The following ITPR1 variants were observed in gnomAD, a reference collection of about 807,000 sequenced individuals.
The protein encoded by ITPR1 is inositol 1,4,5-trisphosphate-gated calcium channel ITPR1.
A neutral mutation model predicts 318.4 loss-of-function variants in ITPR1; 96 were observed. That is an observed-to-expected ratio of 0.30 (90% confidence interval 0.26 to 0.36). The LOEUF (loss-of-function observed/expected upper bound fraction) is 0.36. Ranked by LOEUF, ITPR1 falls within the 10% of genes least tolerant of loss-of-function variation. The probability of loss-of-function intolerance (pLI) is 1.00; values close to 1 mark genes in which losing one functional copy is unlikely to be tolerated. For synonymous variants in ITPR1, 1,312 were observed against 1,289.9 expected (o/e 1.02, Z -0.37); for missense variants, 2,440 against 3,460.2 (o/e 0.71, Z 7.40).
chr3:4,835,027 T>C (rs1251164127), intron 60 of ITPR1, among the ~76,000 whole-genome samples: 1 of 152,218 alleles, frequency 6.6e-6, no homozygotes, highest in East Asian at 1.9e-4. Context: ...CAAGCTTTTA[T>C]TAATATTGAA....
chr3:4,703,533 C>A (rs1378614184), intron 36 of ITPR1, among the ~76,000 whole-genome samples: 1 of 152,136 alleles, frequency 6.6e-6, no homozygotes, highest in East Asian at 1.9e-4. Flanking sequence ...CCATTCCCCA[C>A]CCCCTATTAA....
At chr3:4,796,762 T>C (rs2047924410) in intron 53 of ITPR1, among the ~76,000 whole-genome samples, 1 of 152,112 alleles carries the variant, frequency 6.6e-6, no homozygotes. Flanking sequence ...TCTGCCTGGC[T>C]CCTGCCGCCC....
intron 15 of ITPR1, 67 bp from the exon 16 acceptor site, chr3:4,662,998 C>G (rs1030925418): frequency 2.7e-6 from 4 of 1,486,842 alleles, no homozygotes. Context: ...AGAAGGCTTC[C>G]AAGGCAAAGC....
intron 40 of ITPR1, chr3:4,724,473 C>T (rs1333669211): frequency 6.6e-6 from 1 of 152,252 alleles, no homozygotes; most frequent in Admixed American, 6.5e-5. Flanking sequence ...ACCTTCTGGC[C>T]CTGAGGTGAG....
chr3:4,559,828 G>T (rs2086496852), intron 4 of ITPR1, among the ~76,000 whole-genome samples: 1 of 152,158 alleles, frequency 6.6e-6, no homozygotes, highest in Non-Finnish European at 1.5e-5. Flanking sequence ...GCTAGTAAAT[G>T]ACAGCCTGTA....
At chr3:4,529,388 G>GGTCATATT (rs964465806) in intron 4 of ITPR1, among the ~76,000 whole-genome samples, 4 of 152,120 alleles carry the variant, frequency 2.6e-5, no homozygotes, top group African/African-American at 9.7e-5. Context: ...AGCGTAATGG[G>GGTCATATT]GTCATATTGT....
At chr3:4,508,880 A>G (rs1420045456) in intron 2 of ITPR1, among the ~76,000 whole-genome samples, 1 of 152,334 alleles carries the variant, frequency 6.6e-6, no homozygotes, top group Middle Eastern at 3.4e-3. Flanking sequence ...CTGTCCAAGT[A>G]TCAGCCACCT....
Position 4,685,191 on chromosome 3 carries a change from G to C in ITPR1, c.3687G>C (p.Gln1229His), listed in dbSNP as rs778872442. 1.2e-6 allele frequency: 2 copies of C among 1,603,486 alleles called. No homozygotes were observed. The highest frequency in any genetic ancestry group is 1.1e-5 in the South Asian group (1 of 89,752). ...ACGCCGTGGTGCTGGAGCTGCTGCAGATTCCCTATGAGAAGGTGAGCGGTG... is the reference window on the plus strand; with the variant it reads ...ACGCCGTGGTGCTGGAGCTGCTGCACATTCCCTATGAGAAGGTGAGCGGTG... ...GAHAVVLELL[Q>H]IPYEKAEDTK... Residue 1229 changes from glutamine to histidine, a missense_variant, in exon 30 of 62, where the codon CAG becomes CAC. Gln to His is a conservative substitution (Grantham distance 24, BLOSUM62 0). This residue lies in a region of ITPR1 where 222 missense variants were observed against 318.8 expected (regional missense o/e 0.70). Transcript: ENST00000649015.
chr3:4,675,266 C>G lies in ITPR1; in HGVS notation c.2779+18C>G, dbSNP rs910587557. ...GCTGAAGAGTGAGTATCTGAGGGTGCCCATACATCTGAGAGATGCCCTCCA... is the reference window on the plus strand; with the variant it reads ...GCTGAAGAGTGAGTATCTGAGGGTGGCCATACATCTGAGAGATGCCCTCCA... On this transcript the variant is annotated intron_variant, in intron 23 of 61. Transcript: ENST00000649015. 6.3e-7 allele frequency: 1 copy of G among 1,585,342 alleles called. No individual in the cohort carries two copies. Among genetic ancestry groups the G allele is most frequent in the Non-Finnish European group, 8.6e-7 (1 of 1,162,958 alleles).
At chr3:4,645,293 C>G in intron 8 of ITPR1, 94 bp from the exon 9 acceptor site, 2 of 832,956 alleles carry the variant, frequency 2.4e-6, no homozygotes, top group Non-Finnish European at 4.1e-6. Context: ...TCAAGTACAG[C>G]CTTGCTTCCT....
chr3:4,797,424 A>G (rs2047969916), intron 53 of ITPR1, among the ~76,000 whole-genome samples: 1 of 152,130 alleles, frequency 6.6e-6, no homozygotes. Context: ...TCCCTCTTGA[A>G]TGTGTATAAT....
In ITPR1 at chr3:4,493,387, A is replaced by G. The variant is rs928892483; in HGVS notation, c.-311A>G. 4 of 153,928 alleles carry G rather than the reference A, an allele frequency of 2.6e-5. No homozygotes were observed. The highest frequency in any genetic ancestry group is 2.0e-4 in the Admixed American group (3 of 15,264). 9.5% of individuals were successfully genotyped at this position (153,928 alleles called of 1,614,324 possible). A position where few individuals can be genotyped will look rare whatever the true frequency, so the allele number is the denominator to read the frequency against. ...GATGTGCTGCTGAAGCGTTTCCTCAAGCTCGCTGGGGTGGGAGGAGAGGAG... is the reference window on the plus strand; with the variant it reads ...GATGTGCTGCTGAAGCGTTTCCTCAGGCTCGCTGGGGTGGGAGGAGAGGAG... On this transcript the variant is annotated 5_prime_UTR_variant, in exon 1 of 62. Coordinates refer to ENST00000649015, the MANE Select transcript of ITPR1 (RefSeq NM_001378452.1).
chr3:4,663,339 G>C (rs1440430915), intron 16 of ITPR1, 133 bp downstream of exon 16: 1 of 701,272 alleles, frequency 1.4e-6, no homozygotes, highest in African/African-American at 1.8e-5. Flanking sequence ...GGAAATGGAG[G>C]TTGCAGTGAG....
At chr3:4,812,286 C>A (rs1399438170) in intron 56 of ITPR1, among the ~76,000 whole-genome samples, 1 of 152,130 alleles carries the variant, frequency 6.6e-6, no homozygotes, top group Non-Finnish European at 1.5e-5. Flanking sequence ...GATCCCCCAG[C>A]TTTAGCTTCC....
chr3:4,674,140 C>G (rs2094140858), intron 21 of ITPR1, 62 bp from the exon 22 acceptor site: 1 of 1,397,250 alleles, frequency 7.2e-7, no homozygotes, highest in African/African-American at 1.5e-5. Context: ...CTGAGTGACC[C>G]AGGAAGACCT....
intron 40 of ITPR1, among the ~76,000 whole-genome samples, chr3:4,718,585 G>A (rs1199816126): frequency 2.6e-5 from 4 of 152,218 alleles, no homozygotes; most frequent in African/African-American, 9.6e-5. Context: ...AGCTCACACA[G>A]CTAGACAGTG....
At chr3:4,572,578 TA>T (rs1420261784) in intron 4 of ITPR1, among the ~76,000 whole-genome samples, 2 of 152,234 alleles carry the variant, frequency 1.3e-5, no homozygotes, top group Middle Eastern at 3.2e-3. Context: ...TTTCATTTTT[TA>T]AAAATTGTGG....
chr3:4,766,929 G>A (rs1191996933), intron 45 of ITPR1, among the ~76,000 whole-genome samples: 2 of 152,198 alleles, frequency 1.3e-5, no homozygotes, highest in East Asian at 3.9e-4. Flanking sequence ...CATTCCTCTT[G>A]GTCGAGCTTA....
chr3:4,534,649 T>G (rs2083697061), intron 4 of ITPR1, among the ~76,000 whole-genome samples: 1 of 152,232 alleles, frequency 6.6e-6, no homozygotes, highest in South Asian at 2.1e-4. Flanking sequence ...TTTCTTCGTC[T>G]GGTATTTTTC....
Sources: allele counts gnomAD v4.1 joint callset (sites outside exome capture counted in the v4.1 genomes callset), GRCh38; gene constraint gnomAD v4.1.1; regional missense constraint gnomAD v4.1.1; transcripts MANE v1.5; gene names NCBI Gene and HGNC (gene_info 2026-07-23, HGNC 2026-07-21).